The following IHO1 variants were observed in gnomAD, a reference collection of about 807,000 sequenced individuals.
IHO1 encodes interactor of HORMAD1 protein 1.
In IHO1, 13 loss-of-function variants were observed where a neutral mutation model predicts 31.0. The observed-to-expected ratio is 0.42, with a 90% CI of 0.27 to 0.67. The LOEUF (loss-of-function observed/expected upper bound fraction) is 0.67. Among genes scored for constraint, IHO1 ranks in the 30% least tolerant of loss-of-function variants. IHO1 has a pLI of 0.24. For synonymous variants in IHO1, 221 were observed against 248.4 expected, an observed-to-expected ratio of 0.89 and a Z score of 1.04; for missense variants, 599 against 687.5, an observed-to-expected ratio of 0.87 and a Z score of 1.44.
intron 6 of IHO1, 137 bp from the exon 7 acceptor site, chr3:49,255,253 G>A: frequency 1.8e-6 from 1 of 555,382 alleles, no homozygotes; most frequent in South Asian, 2.6e-5. Flanking sequence ...CAAGGAGGGA[G>A]GGAAGGAGAG....
In IHO1 at chr3:49,236,545, C is replaced by A; in HGVS notation, c.57-3C>A. The A allele has an allele frequency of 6.3e-7, 1 of 1,593,184 alleles. No individual in the cohort carries two copies. The highest frequency in any genetic ancestry group is 1.1e-5 in the South Asian group (1 of 89,056). ...TGATACACTTTTTTTTGCTAAATTT[C>A]AGGAACAAGAAGTCATCCAACTGGA... On this transcript the variant is annotated splice_polypyrimidine_tract_variant and splice_region_variant and intron_variant, in intron 2 of 7. Coordinates refer to ENST00000452691, the MANE Select transcript of IHO1 (RefSeq NM_001135197.2).
chr3:49,206,037 C>G (rs1468580890), intron 1 of IHO1, among the ~76,000 whole-genome samples: 3 of 152,064 alleles, frequency 2.0e-5, no homozygotes, highest in Admixed American at 2.0e-4. Context: ...GATCTCGGCT[C>G]ACTGCAAGCT....
At chr3:49,238,610 A>G (rs1379300220) in intron 3 of IHO1, among the ~76,000 whole-genome samples, 1 of 152,226 alleles carries the variant, frequency 6.6e-6, no homozygotes, top group African/African-American at 2.4e-5. Flanking sequence ...TCAAACAGTG[A>G]CAGGTTTCAT....
At chr3:49,211,725 T>C in intron 1 of IHO1, 41 bp from the exon 2 acceptor site, 2 of 967,396 alleles carry the variant, frequency 2.1e-6, no homozygotes, top group East Asian at 2.5e-5. Flanking sequence ...GAAAAAATTA[T>C]ACTGTTAACT....
intron 2 of IHO1, among the ~76,000 whole-genome samples, chr3:49,225,023 G>A (rs189120017): frequency 6.6e-6 from 1 of 152,146 alleles, no homozygotes; most frequent in African/African-American, 2.4e-5. Context: ...TCACTAAGAC[G>A]GCCACTGCCG....
intron 6 of IHO1, among the ~76,000 whole-genome samples, chr3:49,254,104 G>T (rs1010134918): frequency 1.3e-5 from 2 of 152,146 alleles, no homozygotes; most frequent in Non-Finnish European, 2.9e-5. Context: ...AAAGTGCTGG[G>T]ATTACAGGCG....
chr3:49,229,548 G>A (rs1464348209), intron 2 of IHO1, among the ~76,000 whole-genome samples: 1 of 152,188 alleles, frequency 6.6e-6, no homozygotes, highest in Non-Finnish European at 1.5e-5. Flanking sequence ...AAATGAACAG[G>A]ATTATTTGGA....
chr3:49,210,397 C>A (rs1408942144), intron 1 of IHO1, among the ~76,000 whole-genome samples: 1 of 151,722 alleles, frequency 6.6e-6, no homozygotes, highest in Non-Finnish European at 1.5e-5. Context: ...CCACCACACC[C>A]TGCTAATTTT....
At chr3:49,194,327 G>A (rs1167669010), upstream of IHO1, among the ~76,000 whole-genome samples, 10 of 135,928 alleles carry the variant, frequency 7.4e-5, no homozygotes, top group African/African-American at 2.6e-4. Flanking sequence ...TATTTGAGAC[G>A]GAGGCTTGCT....
chr3:49,241,538 TAC>T (rs142564164), intron 4 of IHO1, 149 bp downstream of exon 4: 46,299 of 434,082 alleles, frequency 0.11, 3 homozygotes, highest in East Asian at 0.15. Flanking sequence ...TACACACACA[TAC>T]ACACACACAC....
chr3:49,226,617 T>C (rs1236446155), intron 2 of IHO1, among the ~76,000 whole-genome samples: 15 of 152,172 alleles, frequency 9.9e-5, no homozygotes, highest in Admixed American at 9.8e-4. Flanking sequence ...GGTAGGGAAT[T>C]TGTCCCTTTC....
intron 3 of IHO1, among the ~76,000 whole-genome samples, chr3:49,239,798 G>A (rs1247547377): frequency 2.0e-5 from 3 of 152,054 alleles, no homozygotes; most frequent in African/African-American, 7.2e-5. Flanking sequence ...GAGTAGCTGG[G>A]ATTACAGGCA....
intron 2 of IHO1, among the ~76,000 whole-genome samples, chr3:49,229,482 G>A (rs980829673): frequency 1.3e-5 from 2 of 152,232 alleles, no homozygotes; most frequent in African/African-American, 4.8e-5. Context: ...AGAGCCAGGA[G>A]AGCGCATAGC....
intron 2 of IHO1, among the ~76,000 whole-genome samples, chr3:49,217,643 A>T (rs1320986303): frequency 1.5e-4 from 1 of 6,592 alleles, no homozygotes; most frequent in Non-Finnish European, 2.2e-4. Context: ...AAAGTATAAT[A>T]AAAAAAAAAA....
intron 2 of IHO1, 136 bp from the exon 3 acceptor site, chr3:49,236,412 C>T: frequency 1.6e-6 from 1 of 616,938 alleles, no homozygotes; most frequent in South Asian, 2.2e-5. Flanking sequence ...ATTGTACTGA[C>T]AATATACAGG....
intron 2 of IHO1, among the ~76,000 whole-genome samples, chr3:49,225,507 C>G (rs554739880): frequency 6.6e-6 from 1 of 152,138 alleles, no homozygotes; most frequent in South Asian, 2.1e-4. Flanking sequence ...AGGCTTAAGG[C>G]TGGAGCTTGA....
At chr3:49,207,768 A>G (rs11719220) in intron 1 of IHO1, among the ~76,000 whole-genome samples, 14,233 of 149,638 alleles carry the variant, frequency 0.095, 747 homozygotes, top group Middle Eastern at 0.11. Flanking sequence ...ATTTCTACAT[A>G]TAATATTTCT....
chr3:49,205,326 G>A (rs1214007273), intron 1 of IHO1, among the ~76,000 whole-genome samples: 1 of 151,258 alleles, frequency 6.6e-6, no homozygotes, highest in East Asian at 1.9e-4. Flanking sequence ...GGCGACCAGA[G>A]GTCACTTTTT....
At chr3:49,255,536 T>C (rs1429493176) in intron 7 of IHO1, 43 bp downstream of exon 7, 1 of 1,330,158 alleles carries the variant, frequency 7.5e-7, no homozygotes. Context: ...GTTTTGGGCT[T>C]TGAACTAGAC....
Sources: allele counts gnomAD v4.1 joint callset (sites outside exome capture counted in the v4.1 genomes callset), GRCh38; gene constraint gnomAD v4.1.1; transcripts MANE v1.5; gene names NCBI Gene and HGNC (gene_info 2026-07-23, HGNC 2026-07-21).